The following STT3B variants were observed in gnomAD, a reference collection of about 807,000 sequenced individuals.
The protein encoded by STT3B is STT3 oligosaccharyltransferase complex catalytic subunit B, also known as dolichyl-diphosphooligosaccharide--protein glycosyltransferase subunit STT3B.
STT3B carries 29 observed loss-of-function variants against 96.8 expected under a neutral mutation model. That is an observed-to-expected ratio of 0.30 (90% CI 0.22 to 0.41). STT3B has a LOEUF of 0.41. Among genes scored for constraint, STT3B ranks in the 10% least tolerant of loss-of-function variants. The pLI is 1.00. For synonymous variants in STT3B, 367 were observed against 360.0 expected (o/e 1.02, Z -0.22); for missense variants, 640 against 1,022.3 (o/e 0.63, Z 5.10).
At chr3:31,589,762 A>G (rs1698625189) in intron 3 of STT3B, among the ~76,000 whole-genome samples, 1 of 152,052 alleles carries the variant, frequency 6.6e-6, no homozygotes, top group Non-Finnish European at 1.5e-5. Context: ...TTTTCTACAT[A>G]CAAGATCATG....
At chr3:31,557,908 G>C (rs527735756) in intron 1 of STT3B, among the ~76,000 whole-genome samples, 1 of 152,342 alleles carries the variant, frequency 6.6e-6, no homozygotes, top group Non-Finnish European at 1.5e-5. Context: ...GGGATTACAG[G>C]CGTGAGCCAC....
chr3:31,582,569 A>G (rs1698434240), intron 3 of STT3B, among the ~76,000 whole-genome samples: 1 of 152,052 alleles, frequency 6.6e-6, no homozygotes, highest in Admixed American at 6.5e-5. Context: ...CTAGGTTTAC[A>G]GGCATGAGCC....
intron 1 of STT3B, among the ~76,000 whole-genome samples, chr3:31,569,873 C>T (rs1156600846): frequency 6.6e-6 from 1 of 151,884 alleles, no homozygotes; most frequent in East Asian, 1.9e-4. Flanking sequence ...TTATGTTACT[C>T]ATATGTGTCA....
At position 31,532,943 on chromosome 3, in the gene STT3B, T is replaced by A. The variant is rs1268284772; in HGVS notation, c.-56T>A. The A allele has an allele frequency of 6.5e-7, 1 of 1,542,828 alleles. No homozygotes were observed. Among genetic ancestry groups the A allele is most frequent in the Admixed American group, 2.0e-5 (1 of 50,062 alleles). On this transcript the variant is annotated 5_prime_UTR_variant, in exon 1 of 16. Coordinates refer to ENST00000295770, the MANE Select transcript of STT3B (RefSeq NM_178862.3). The stretch of plus-strand genomic sequence containing the variant: ...CCTCCGGGTCCCCGCCCAGCACCCC[T>A]CGCACCAGGCGGCGGCGGCGGAGGA...
chr3:31,624,865 C>A lies in STT3B; in HGVS notation c.1728-49C>A, dbSNP rs79094690. On this transcript the variant is annotated intron_variant, in intron 11 of 15. Coordinates refer to ENST00000295770, the MANE Select transcript of STT3B (RefSeq NM_178862.3). ...ATACCTCAAGATTTTAAGTTAGCCTCTTCACATTTGTGACATCTCATTTAA... is the reference window on the plus strand; with the variant it reads ...ATACCTCAAGATTTTAAGTTAGCCTATTCACATTTGTGACATCTCATTTAA... 47,886 of 1,465,032 alleles carry A rather than the reference C, an allele frequency of 0.033. 934 individuals carry two copies. The highest frequency in any genetic ancestry group is 0.04 in the Non-Finnish European group (42,078 of 1,062,794). The allele number at this position is 1,465,032 out of a possible 1,614,324, so 90.8% of individuals were successfully genotyped here.
intron 5 of STT3B, among the ~76,000 whole-genome samples, chr3:31,608,157 A>G (rs538027432): frequency 1.3e-4 from 20 of 152,144 alleles, no homozygotes; most frequent in Non-Finnish European, 1.5e-4. Flanking sequence ...TGTACCTTCA[A>G]GGTAGGTGAG....
intron 6 of STT3B, among the ~76,000 whole-genome samples, 162 bp from the exon 7 acceptor site, chr3:31,616,763 TATTA>T (rs911022459): frequency 6.6e-6 from 1 of 151,896 alleles, no homozygotes; most frequent in African/African-American, 2.4e-5. Flanking sequence ...TTTTTGGATG[TATTA>T]ATTAGGCAAC....
At chr3:31,562,158 T>C (rs539256112) in intron 1 of STT3B, among the ~76,000 whole-genome samples, 2 of 152,246 alleles carry the variant, frequency 1.3e-5, no homozygotes, top group South Asian at 4.1e-4. Flanking sequence ...TGGTGGGTCA[T>C]GCAGGGGAGG....
At chr3:31,619,382 T>A (rs1699380641) in intron 8 of STT3B, among the ~76,000 whole-genome samples, 1 of 152,168 alleles carries the variant, frequency 6.6e-6, no homozygotes, top group Non-Finnish European at 1.5e-5. Flanking sequence ...TGACTTAAAC[T>A]ACAGAACAAA....
At chr3:31,543,067 C>CAAAAAAAAAA (rs10696158) in intron 1 of STT3B, among the ~76,000 whole-genome samples, 9 of 109,262 alleles carry the variant, frequency 8.2e-5, no homozygotes, top group Admixed American at 3.0e-4. Context: ...CTCCATCTCA[C>CAAAAAAAAAA]AAAAAAAAAA....
At chr3:31,612,465 T>C (rs185432080) in intron 5 of STT3B, among the ~76,000 whole-genome samples, 1 of 152,288 alleles carries the variant, frequency 6.6e-6, no homozygotes, top group Non-Finnish European at 1.5e-5. Flanking sequence ...CAAGGTAAAA[T>C]ACTGTTGAAA....
intron 10 of STT3B, 58 bp downstream of exon 10, chr3:31,622,366 C>A: frequency 7.1e-7 from 1 of 1,403,436 alleles, no homozygotes; most frequent in Non-Finnish European, 1.0e-6. Context: ...ATTTTTCCAC[C>A]ACAGTAAGAA....
At chr3:31,608,171 A>G (rs1171884369) in intron 5 of STT3B, among the ~76,000 whole-genome samples, 2 of 152,186 alleles carry the variant, frequency 1.3e-5, no homozygotes, top group Non-Finnish European at 2.9e-5. Flanking sequence ...AGGTGAGCCA[A>G]GAGCAGACAG....
At chr3:31,533,685 A>G in intron 1 of STT3B, 1 of 161,056 alleles carries the variant, frequency 6.2e-6, no homozygotes, top group Non-Finnish European at 1.4e-5. Context: ...AGGAGGCGGC[A>G]GGTAGCTCCT....
intron 3 of STT3B, among the ~76,000 whole-genome samples, chr3:31,587,083 T>A (rs963327134): frequency 2.0e-5 from 3 of 152,132 alleles, no homozygotes; most frequent in Admixed American, 2.0e-4. Context: ...TGATCTATTT[T>A]AAGCACCGAA....
rs1410145447 is a variant in STT3B at position 31,636,300 on chromosome 3, GA to G, written c.*237del. 5.7e-6 allele frequency: 2 copies of G among 348,630 alleles called. No homozygotes were observed. The highest frequency in any genetic ancestry group is 1.1e-5 in the Non-Finnish European group (2 of 189,850). 21.6% of individuals were successfully genotyped at this position (348,630 alleles called of 1,614,324 possible). A position where few individuals can be genotyped will look rare whatever the true frequency, so the allele number is the denominator to read the frequency against. ...GCACTGCTGTAAATGTCTAGCAGCAGATTTTTTTTTTATTGGTACATATTAT... is the reference window on the plus strand; with the variant it reads ...GCACTGCTGTAAATGTCTAGCAGCAGTTTTTTTTTTATTGGTACATATTAT... On this transcript the variant is annotated 3_prime_UTR_variant, in exon 16 of 16. Transcript: ENST00000295770.
intron 3 of STT3B, among the ~76,000 whole-genome samples, chr3:31,591,272 G>T (rs1698657375): frequency 6.6e-6 from 1 of 152,102 alleles, no homozygotes; most frequent in South Asian, 2.1e-4. Context: ...TTGTTTGATT[G>T]ATTTCATATG....
Position 31,572,037 on chromosome 3 carries a change from T to TTA in STT3B, c.315-4359_315-4358insTA, listed in dbSNP as rs369557526. Reference sequence around the variant, plus strand: ...AAACATATTAATATATATTAATATATGATATATTAATATATCATATATTAA... The same window carrying TTA: ...AAACATATTAATATATATTAATATATTAGATATATTAATATATCATATATTAA... On this transcript the variant is annotated intron_variant, in intron 1 of 15. Coordinates refer to ENST00000295770, the MANE Select transcript of STT3B (RefSeq NM_178862.3). Among the ~76,000 whole-genome samples, 68 of 40,410 alleles carry TTA rather than the reference T, an allele frequency of 1.7e-3. 2 individuals carry two copies. The highest frequency in any genetic ancestry group is 0.03 in the Middle Eastern group (2 of 66). The allele number at this position is 40,410 out of a possible 152,430, so 26.5% of individuals were successfully genotyped here. A position where few individuals can be genotyped will look rare whatever the true frequency, so the allele number is the denominator to read the frequency against.
chr3:31,533,393 G>C lies in STT3B; in HGVS notation c.314+81G>C, dbSNP rs1034106381. 1.2e-5 allele frequency: 16 copies of C among 1,337,776 alleles called. No homozygotes were observed. The East Asian group carries it at 5.3e-4, about 44-fold the overall frequency. 82.9% of individuals were successfully genotyped at this position (1,337,776 alleles called of 1,614,324 possible). A position where few individuals can be genotyped will look rare whatever the true frequency, so the allele number is the denominator to read the frequency against. ...TCCTCCGCCCGCCGCAGCTCTCCTC[G>C]ACTTGGCCCCGCGCCGCCGCGGAGC... On this transcript the variant is annotated intron_variant, in intron 1 of 15. Transcript: ENST00000295770.
Sources: gnomAD v4.1 joint callset for allele counts (sites outside exome capture counted in the v4.1 genomes callset) on GRCh38, gnomAD v4.1.1 for gene constraint, MANE v1.5 for transcripts, NCBI Gene and HGNC (gene_info 2026-07-23, HGNC 2026-07-21) for gene names.